IRF2: variants seen among roughly 807,000 people sequenced by gnomAD.
The protein encoded by IRF2 is interferon regulatory factor 2.
Under a neutral mutation model 40.6 loss-of-function variants are expected in IRF2, and 15 were observed. The ratio of observed to expected loss-of-function variants is 0.37; its 90% CI spans 0.25 to 0.57. The LOEUF is 0.57. IRF2 is among the 20% of genes least tolerant of loss of function. IRF2 has a pLI of 0.77. For synonymous variants in IRF2, 151 were observed against 165.5 expected, an observed-to-expected ratio of 0.91 and a Z score of 0.67; for missense variants, 317 against 455.7, an observed-to-expected ratio of 0.70 and a Z score of 2.77.
chr4:184,419,317 G>A (rs933914683), intron 3 of IRF2, 152 bp downstream of exon 3: 39 of 635,912 alleles, frequency 6.1e-5, no homozygotes, highest in African/African-American at 4.9e-4. Context: ...GCTGCAGTTT[G>A]TACCCCATGT....
intron 6 of IRF2, among the ~76,000 whole-genome samples, chr4:184,407,718 C>G (rs948173797): frequency 1.2e-4 from 19 of 152,336 alleles, no homozygotes; most frequent in Admixed American, 6.5e-4. Context: ...TCAAAAATAT[C>G]TGCTGAATCA....
At chr4:184,407,336 G>A in intron 6 of IRF2, 5 of 1,037,810 alleles carry the variant, frequency 4.8e-6, no homozygotes, top group Non-Finnish European at 6.4e-6. Flanking sequence ...CCCCTTAAAG[G>A]GAAAGCAGGC....
chr4:184,397,962 C>A (rs886116586), intron 7 of IRF2, among the ~76,000 whole-genome samples: 16 of 152,286 alleles, frequency 1.1e-4, no homozygotes, highest in African/African-American at 3.9e-4. Flanking sequence ...TGTGACTCTG[C>A]CTGGGCCAAC....
intron 1 of IRF2, among the ~76,000 whole-genome samples, chr4:184,440,761 T>G (rs1738275092): frequency 6.6e-6 from 1 of 152,244 alleles, no homozygotes; most frequent in Non-Finnish European, 1.5e-5. Context: ...AATGTCTACC[T>G]CGCCTCCCTC....
At chr4:184,441,868 G>C (rs569888013) in intron 1 of IRF2, among the ~76,000 whole-genome samples, 1 of 152,314 alleles carries the variant, frequency 6.6e-6, no homozygotes, top group African/African-American at 2.4e-5. Flanking sequence ...AACTTCCCAA[G>C]GTCACAGAGC....
At chr4:184,446,917 T>C (rs955602124) in intron 1 of IRF2, among the ~76,000 whole-genome samples, 27 of 151,968 alleles carry the variant, frequency 1.8e-4, no homozygotes, top group Non-Finnish European at 2.6e-4. Context: ...GATCGCGCCA[T>C]TGCACTCCAG....
intron 1 of IRF2, among the ~76,000 whole-genome samples, chr4:184,455,520 T>A (rs1330759311): frequency 6.6e-6 from 1 of 151,680 alleles, no homozygotes; most frequent in Non-Finnish European, 1.5e-5. Context: ...TATAAAGTCC[T>A]GTGAGGAGGA....
intron 2 of IRF2, among the ~76,000 whole-genome samples, chr4:184,421,198 T>C (rs1353380160): frequency 3.3e-5 from 5 of 152,190 alleles, no homozygotes; most frequent in Non-Finnish European, 7.4e-5. Flanking sequence ...TCAGCGCCTC[T>C]CCACAGAACC....
At chr4:184,440,569 G>A (rs1443169174) in intron 1 of IRF2, among the ~76,000 whole-genome samples, 1 of 152,244 alleles carries the variant, frequency 6.6e-6, no homozygotes, top group East Asian at 1.9e-4. Flanking sequence ...TGAGAGGCTG[G>A]AGAACCTCGC....
intron 1 of IRF2, among the ~76,000 whole-genome samples, chr4:184,430,095 C>T (rs1210839949): frequency 1.3e-5 from 2 of 152,182 alleles, no homozygotes; most frequent in Admixed American, 1.3e-4. Context: ...TTGTTCATTT[C>T]CTCCAAAATT....
At chr4:184,458,678 T>G (rs1225133543) in intron 1 of IRF2, among the ~76,000 whole-genome samples, 1 of 152,214 alleles carries the variant, frequency 6.6e-6, no homozygotes, top group Non-Finnish European at 1.5e-5. Context: ...TGCATCTTCT[T>G]CCAATTATTT....
intron 5 of IRF2, among the ~76,000 whole-genome samples, chr4:184,415,392 G>C (rs1173367014): frequency 6.6e-6 from 1 of 152,156 alleles, no homozygotes; most frequent in Non-Finnish European, 1.5e-5. Context: ...GGCCAGGATG[G>C]TCAAGCCCAC....
chr4:184,445,807 ATGTACTGGG>A (rs1217911417), intron 1 of IRF2, among the ~76,000 whole-genome samples: 1 of 152,194 alleles, frequency 6.6e-6, no homozygotes, highest in African/African-American at 2.4e-5. Context: ...AGCAAAGAAG[ATGTACTGGG>A]TTGAACAGTG....
At chr4:184,428,330 A>G (rs1737745241) in intron 2 of IRF2, among the ~76,000 whole-genome samples, 1 of 152,232 alleles carries the variant, frequency 6.6e-6, no homozygotes. Context: ...TCTAGTCCTA[A>G]AAGGCCAGGA....
At chr4:184,439,669 T>TTGCCA (rs1452441891) in intron 1 of IRF2, among the ~76,000 whole-genome samples, 5 of 152,246 alleles carry the variant, frequency 3.3e-5, no homozygotes, top group African/African-American at 1.2e-4. Context: ...TTTTACATAT[T>TTGCCA]TGCCATTCTA....
rs139164748 is a variant in IRF2 at position 184,422,672 on chromosome 4, C to A, written c.88-3104G>T. ...AAACATTATGCTGGATGAAAGAAGC[C>A]AGACACAAAAGGCCAAAAATTGAAT... On this transcript the variant is annotated intron_variant, in intron 2 of 8. Coordinates refer to ENST00000393593, the MANE Select transcript of IRF2 (RefSeq NM_002199.4). Among the ~76,000 whole-genome samples, 469 of 152,256 alleles carry A rather than the reference C, an allele frequency of 3.1e-3. 2 individuals carry two copies. The highest frequency in any genetic ancestry group is 0.011 in the African/African-American group (439 of 41,542).
At position 184,418,610 on chromosome 4, in the gene IRF2, C is replaced by G. The variant is rs1183853199; in HGVS notation, c.286G>C (p.Asp96His). ...TTATTTCCTTTCTTTATGCTTTTAT[C>G]CTTGACTTCTTCAATATCAGGCAAG... ...NSLPDIEEVKDKSIKKGNNAF... is the reference protein window; with the variant it reads ...NSLPDIEEVKHKSIKKGNNAF... The change falls in exon 4 of 9, where the codon GAT becomes CAT. Residue 96 changes from aspartate to histidine, a missense_variant. Physicochemically the swap from Asp to His is moderately conservative, Grantham distance 81. This residue lies in a region of IRF2 where 262 missense variants were observed against 334.0 expected (regional missense o/e 0.78). Coordinates refer to ENST00000393593, the MANE Select transcript of IRF2 (RefSeq NM_002199.4). The G allele has an allele frequency of 6.2e-7, 1 of 1,614,054 alleles. No individual in the cohort carries two copies. The highest frequency in any genetic ancestry group is 8.5e-7 in the Non-Finnish European group (1 of 1,179,998).
intron 7 of IRF2, among the ~76,000 whole-genome samples, chr4:184,395,424 A>AAAAT: frequency 6.8e-6 from 1 of 146,954 alleles, no homozygotes; most frequent in Non-Finnish European, 1.5e-5. Context: ...AAAAAAAAAA[A>AAAAT]AAAAAAAAAA....
chr4:184,416,638 A>C (rs978952198), intron 5 of IRF2, among the ~76,000 whole-genome samples: 4 of 152,208 alleles, frequency 2.6e-5, no homozygotes, highest in Admixed American at 2.0e-4. Flanking sequence ...TGGTATTTTT[A>C]CAGAGCACTT....
Sources: allele counts gnomAD v4.1 joint callset (sites outside exome capture counted in the v4.1 genomes callset), GRCh38; gene constraint gnomAD v4.1.1; regional missense constraint gnomAD v4.1.1; transcripts MANE v1.5; gene names NCBI Gene and HGNC (gene_info 2026-07-23, HGNC 2026-07-21).